Variants in TTC7B observed in about 807,000 individuals in gnomAD.
TTC7B encodes tetratricopeptide repeat protein 7B.
A neutral mutation model predicts 106.8 loss-of-function variants in TTC7B; 28 were observed. The ratio of observed to expected loss-of-function variants is 0.26; its 90% CI spans 0.19 to 0.36. The LOEUF is 0.36. Among genes scored for constraint, TTC7B ranks in the 10% least tolerant of loss-of-function variants. The pLI is 1.00. For synonymous variants in TTC7B, 405 were observed against 430.6 expected (o/e 0.94, Z 0.74); for missense variants, 862 against 1,076.4 (o/e 0.80, Z 2.79).
intron 18 of TTC7B, among the ~76,000 whole-genome samples, chr14:90,580,066 C>T (rs1891423301): frequency 6.6e-6 from 1 of 152,200 alleles, no homozygotes; most frequent in Non-Finnish European, 1.5e-5. Context: ...CCGCGCCTGC[C>T]CAACAGGCAG....
At chr14:90,715,296 C>T (rs1038568000) in intron 5 of TTC7B, among the ~76,000 whole-genome samples, 2 of 152,124 alleles carry the variant, frequency 1.3e-5, no homozygotes, top group Admixed American at 1.3e-4. Flanking sequence ...AAATGTTGTT[C>T]CTGAGCTTTT....
At chr14:90,640,056 A>C (rs1885106879) in intron 15 of TTC7B, among the ~76,000 whole-genome samples, 1 of 152,206 alleles carries the variant, frequency 6.6e-6, no homozygotes, top group Admixed American at 6.5e-5. Context: ...AGGCGCATGG[A>C]TCGCTTGAGC....
At chr14:90,793,613 CTT>C (rs142431278) in intron 1 of TTC7B, among the ~76,000 whole-genome samples, 68,698 of 135,486 alleles carry the variant, frequency 0.51, 19,088 homozygotes, top group Admixed American at 0.64. Flanking sequence ...TTCTTTTTTT[CTT>C]TTTTTTTTTT....
chr14:90,595,644 C>T (rs555457888), intron 17 of TTC7B, among the ~76,000 whole-genome samples: 129 of 152,170 alleles, frequency 8.5e-4, no homozygotes, highest in African/African-American at 2.6e-3. Context: ...TGCCCTATTC[C>T]GCCATTACCA....
intron 6 of TTC7B, among the ~76,000 whole-genome samples, chr14:90,694,342 TA>T (rs1193361643): frequency 1.3e-5 from 2 of 152,034 alleles, no homozygotes; most frequent in Non-Finnish European, 2.9e-5. Context: ...TGCCAGGGAC[TA>T]GGGGGAGGGG....
intron 6 of TTC7B, among the ~76,000 whole-genome samples, chr14:90,691,669 C>A (rs1331440381): frequency 6.6e-6 from 1 of 152,114 alleles, no homozygotes; most frequent in Non-Finnish European, 1.5e-5. Context: ...ATTAAATGCC[C>A]TTTTTGTGTG....
intron 5 of TTC7B, among the ~76,000 whole-genome samples, chr14:90,712,128 T>C (rs1888473764): frequency 6.6e-6 from 1 of 152,158 alleles, no homozygotes; most frequent in Non-Finnish European, 1.5e-5. Flanking sequence ...TAAGACAGAC[T>C]TTAAATCAAA....
At chr14:90,790,872 A>AAG (rs1891564057) in intron 1 of TTC7B, among the ~76,000 whole-genome samples, 1 of 151,884 alleles carries the variant, frequency 6.6e-6, no homozygotes, top group Non-Finnish European at 1.5e-5. Flanking sequence ...GGCTGGCAAA[A>AAG]AGCAGAGGGA....
chr14:90,774,726 C>T (rs1284199540), intron 3 of TTC7B, among the ~76,000 whole-genome samples: 1 of 152,224 alleles, frequency 6.6e-6, no homozygotes. Flanking sequence ...CTCTGATCTT[C>T]ATGTGATCTT....
chr14:90,564,394 G>A (rs867159284), intron 19 of TTC7B, among the ~76,000 whole-genome samples: 11 of 152,152 alleles, frequency 7.2e-5, no homozygotes, highest in African/African-American at 2.2e-4. Flanking sequence ...CATTTACAGA[G>A]CACAGGCAGA....
rs2031065713 is a variant in TTC7B, at chr14:90,814,413, T to C, written c.121+1762A>G. ...TCTGAAGCTGTGCTGTTTATTTATT[T>C]CCATATTTGCTTATCACCTGCCTCC... On this transcript the variant is annotated intron_variant, in intron 1 of 19. Transcript: ENST00000328459. Among the ~76,000 whole-genome samples, 6 of 152,342 alleles carry C rather than the reference T, an allele frequency of 3.9e-5. No homozygotes were observed. The South Asian group carries it at 1.2e-3, about 32-fold the overall frequency.
chr14:90,616,139 G>A (rs887259072), intron 16 of TTC7B, among the ~76,000 whole-genome samples: 8 of 152,168 alleles, frequency 5.3e-5, no homozygotes, highest in African/African-American at 1.2e-4. Flanking sequence ...TTGGCAACAC[G>A]AAGCTGATGG....
Position 90,600,155 on chromosome 14 carries a change from G to A in TTC7B, c.1967-6529C>T, listed in dbSNP as rs182640338. On this transcript the variant is annotated intron_variant, in intron 17 of 19. Transcript: ENST00000328459. The surrounding 1 kb of genome is among the most constrained non-coding windows in gnomAD (Gnocchi z 4.3). ...AGGCATGAGTGTCCACTCCCACTTCGGCCCTCAAAGCAGGCATATTTCTCC... is the reference window on the plus strand; with the variant it reads ...AGGCATGAGTGTCCACTCCCACTTCAGCCCTCAAAGCAGGCATATTTCTCC... Among the ~76,000 whole-genome samples the A allele has an allele frequency of 1.4e-4, 22 of 152,202 alleles. No individual in the cohort carries two copies. Among genetic ancestry groups the A allele is most frequent in the African/African-American group, 5.3e-4 (22 of 41,530 alleles).
intron 19 of TTC7B, among the ~76,000 whole-genome samples, chr14:90,555,591 C>T (rs527724100): frequency 1.3e-5 from 2 of 152,318 alleles, no homozygotes; most frequent in African/African-American, 4.8e-5. Flanking sequence ...CCTGCACCAG[C>T]GCCATTCTGC....
At position 90,537,381 on chromosome 14, in the gene TTC7B, G is replaced by GT. The variant is rs1555372766; in HGVS notation, c.*3986_*3987insA. 1 of 149,880 alleles carries GT rather than the reference G, an allele frequency of 6.7e-6. No homozygotes were observed. Among genetic ancestry groups the GT allele is most frequent in the Non-Finnish European group, 1.5e-5 (1 of 67,768 alleles). 9.3% of individuals were successfully genotyped at this position (149,880 alleles called of 1,614,324 possible). On this transcript the variant is annotated 3_prime_UTR_variant, in exon 20 of 20. Transcript: ENST00000328459. ...TTTTTTTTTTGTAGAGATGGGGGGG[G>GT]GGTCTCACCATGTTGCCCAGGCTGG...
At chr14:90,626,111 C>T (rs1884427504) in intron 15 of TTC7B, among the ~76,000 whole-genome samples, 1 of 152,118 alleles carries the variant, frequency 6.6e-6, no homozygotes, top group Non-Finnish European at 1.5e-5. Flanking sequence ...TCAAGAAGCA[C>T]CGCTCTCATT....
At chr14:90,550,141 T>C (rs1357869592) in intron 19 of TTC7B, among the ~76,000 whole-genome samples, 1 of 152,066 alleles carries the variant, frequency 6.6e-6, no homozygotes, top group African/African-American at 2.4e-5. Flanking sequence ...ATTGAAACAA[T>C]TGCAGCTCAC....
intron 13 of TTC7B, chr14:90,647,225 A>C: frequency 1.8e-6 from 1 of 543,852 alleles, no homozygotes. Context: ...AAGGTACAGA[A>C]TAGGAGTGCA....
At chr14:90,792,506 A>G (rs1041267067) in intron 1 of TTC7B, among the ~76,000 whole-genome samples, 1 of 152,106 alleles carries the variant, frequency 6.6e-6, no homozygotes, top group African/African-American at 2.4e-5. Context: ...GAAACTGGGA[A>G]GCAGAGGTTG....
Sources: gnomAD v4.1 joint callset for allele counts (sites outside exome capture counted in the v4.1 genomes callset) on GRCh38, gnomAD v4.1.1 for gene constraint, Gnocchi (gnomAD v3.1) non-coding constraint, MANE v1.5 for transcripts, NCBI Gene and HGNC (gene_info 2026-07-23, HGNC 2026-07-21) for gene names.